Variants in TDRD9 observed in about 807,000 individuals in gnomAD.
TDRD9 encodes ATP-dependent RNA helicase TDRD9.
A neutral mutation model predicts 172.6 loss-of-function variants in TDRD9; 124 were observed. The ratio of observed to expected loss-of-function variants is 0.72; its 90% CI spans 0.62 to 0.83. The LOEUF is 0.83. TDRD9 is among the 40% of genes least tolerant of loss of function. The pLI, the probability that TDRD9 is intolerant of heterozygous loss-of-function variation, is 0.00. For synonymous variants in TDRD9, 619 were observed against 617.1 expected (o/e 1.00, Z -0.05); for missense variants, 1,479 against 1,714.1 (o/e 0.86, Z 2.42).
At chr14:104,035,902 T>G (rs1235283455) in intron 32 of TDRD9, among the ~76,000 whole-genome samples, 4 of 151,960 alleles carry the variant, frequency 2.6e-5, no homozygotes, top group Non-Finnish European at 4.4e-5. Flanking sequence ...TCAAGGCAGG[T>G]GGAAGGGCCC....
At chr14:103,996,726 T>C (rs963565052) in intron 12 of TDRD9, among the ~76,000 whole-genome samples, 4 of 152,170 alleles carry the variant, frequency 2.6e-5, no homozygotes, top group African/African-American at 7.2e-5. Flanking sequence ...AAGCCTTTGT[T>C]CTCATGACAC....
chr14:104,035,105 C>T (rs745395466), intron 32 of TDRD9, 49 bp downstream of exon 32: 30 of 1,417,700 alleles, frequency 2.1e-5, no homozygotes, highest in Middle Eastern at 3.5e-4. Flanking sequence ...AGAACCTGGG[C>T]GGGAAAAAAC....
At chr14:103,976,809 C>T (rs959535924) in intron 7 of TDRD9, among the ~76,000 whole-genome samples, 1 of 152,090 alleles carries the variant, frequency 6.6e-6, no homozygotes, top group Non-Finnish European at 1.5e-5. Context: ...TACAAGAGTT[C>T]CCCTTTCTTT....
In TDRD9 at chr14:103,991,174, C is replaced by T. The variant is rs1179531698; in HGVS notation, c.1130C>T (p.Ser377Leu). ...DMKESGNKAW[S>L]GAQFVLERSS... is the part of the protein sequence containing the mutation. ...ATTTTTAACAGGAACAAGGCTTGGT[C>T]GGGGGCCCAGTTTGTGTTGGAGCGA... is the stretch of plus-strand genomic sequence containing the variant. The change falls in exon 9 of 36, where the codon TCG becomes TTG. Residue 377 changes from serine to leucine, a missense_variant. Coordinates refer to ENST00000409874, the MANE Select transcript of TDRD9 (RefSeq NM_153046.3). 9.9e-6 allele frequency: 16 copies of T among 1,613,766 alleles called. No individual in the cohort carries two copies. The highest frequency in any genetic ancestry group is 4.5e-5 in the East Asian group (2 of 44,892).
intron 28 of TDRD9, among the ~76,000 whole-genome samples, chr14:104,030,350 G>A (rs1415132476): frequency 6.6e-6 from 1 of 152,096 alleles, no homozygotes; most frequent in Non-Finnish European, 1.5e-5. Flanking sequence ...AAATTAGCTG[G>A]GCATGGTGGT....
intron 20 of TDRD9, among the ~76,000 whole-genome samples, chr14:104,011,096 C>T (rs1349394776): frequency 6.6e-6 from 1 of 152,180 alleles, no homozygotes; most frequent in Non-Finnish European, 1.5e-5. Context: ...AGCTCTGTGA[C>T]GGTCTTATGG....
rs372987923 is a variant in TDRD9, at chr14:104,005,305, T to A, written c.1613T>A (p.Val538Glu). 440 of 1,613,858 alleles carry A rather than the reference T, an allele frequency of 2.7e-4. No homozygotes were observed. Among genetic ancestry groups the A allele is most frequent in the Non-Finnish European group, 3.6e-4 (426 of 1,179,894 alleles). ...RCPLGSTILK[V>E]KLLDMGEPRA... ...CCATTAGGAAGCACGATCTTGAAAG[T>A]GAAATTACTTGACATGGGTGAGCCG... Residue 538 changes from valine to glutamate, a missense_variant, in exon 15 of 36, where the codon GTG (valine) becomes GAG (glutamate). Physicochemically the swap from Val to Glu is moderately radical, Grantham distance 121 (BLOSUM62 -2). This residue lies in a region of TDRD9 where 1,413 missense variants were observed against 1,649.1 expected (regional missense o/e 0.86). Coordinates refer to ENST00000409874, the MANE Select transcript of TDRD9 (RefSeq NM_153046.3).
At position 103,966,817 on chromosome 14, in the gene TDRD9, A is replaced by G. The variant is rs545886073; in HGVS notation, c.751A>G (p.Ile251Val). 182 of 1,550,048 alleles carry G rather than the reference A, an allele frequency of 1.2e-4. 2 individuals are homozygous for G. In the South Asian group the frequency reaches 1.8e-3, roughly 15 times the overall value. Residue 251 changes from isoleucine to valine, a missense_variant, in exon 5 of 36, where the codon ATC (isoleucine) becomes GTC (valine). Ile to Val is a conservative substitution (Grantham distance 29, BLOSUM62 3). Transcript: ENST00000409874. ...SAKSLMEFTH[I>V]IIDEVHERTE... is the part of the protein sequence containing the mutation. ...CAAGAGTTTGATGGAATTCACACAT[A>G]TCATCATTGATGAAGTAAGTGATGT...
chr14:103,999,134 A>C (rs1352072519), intron 13 of TDRD9, among the ~76,000 whole-genome samples: 1 of 152,082 alleles, frequency 6.6e-6, no homozygotes, highest in Non-Finnish European at 1.5e-5. Flanking sequence ...TGCACTTTTT[A>C]CTTAGATATT....
chr14:104,051,023 T>C (rs2035922206), intron 35 of TDRD9, among the ~76,000 whole-genome samples: 1 of 152,182 alleles, frequency 6.6e-6, no homozygotes, highest in South Asian at 2.1e-4. Context: ...GTTACTTGGG[T>C]AGGTGGCATA....
At chr14:104,037,669 TGGCTG>T (rs1289653576) in intron 32 of TDRD9, among the ~76,000 whole-genome samples, 5 of 152,200 alleles carry the variant, frequency 3.3e-5, no homozygotes, top group African/African-American at 1.2e-4. Flanking sequence ...CTTTGCCAAC[TGGCTG>T]TGGACTGACC....
rs184395543 is a variant in TDRD9, at chr14:104,025,743, T to C, written c.2898T>C (p.Ala966=). 7.3e-5 allele frequency: 118 copies of C among 1,614,012 alleles called. 2 individuals carry two copies. In the East Asian group the frequency reaches 2.2e-3, roughly 30 times the overall value. ...TTGATAAACAACGCTACTTTAGAGC[T>C]CAAGTCCTTTATGTTTCTGGAAATT... The part of the protein sequence containing the change: ...ADFDKQRYFR[A]QVLYVSGNSA... The change falls in exon 26 of 36, where the codon GCT becomes GCC. Residue 966 remains alanine, a synonymous_variant. Transcript: ENST00000409874.
intron 1 of TDRD9, chr14:103,940,317 T>A (rs2031142193): frequency 6.5e-6 from 1 of 153,356 alleles, no homozygotes; most frequent in African/African-American, 2.4e-5. Context: ...GCTTCATTTT[T>A]AAACTGCATG....
At position 104,026,658 on chromosome 14, in the gene TDRD9, T is replaced by C. The variant is rs74344108; in HGVS notation, c.3022-21T>C. 5.6e-6 allele frequency: 9 copies of C among 1,610,786 alleles called. No homozygotes were observed. The East Asian group carries it at 2.0e-4, about 36-fold the overall frequency. On this transcript the variant is annotated intron_variant, in intron 27 of 35. Coordinates refer to ENST00000409874, the MANE Select transcript of TDRD9 (RefSeq NM_153046.3). Reference sequence around the variant, plus strand: ...TGCTTATTTATAAAGCTGTTTGAGCTGTGCCCTTCTGTCCTTGTAGGCTTT... The same window carrying C: ...TGCTTATTTATAAAGCTGTTTGAGCCGTGCCCTTCTGTCCTTGTAGGCTTT...
chr14:103,971,008 G>A (rs2032998321), intron 6 of TDRD9, among the ~76,000 whole-genome samples: 1 of 151,648 alleles, frequency 6.6e-6, no homozygotes, highest in Non-Finnish European at 1.5e-5. Flanking sequence ...TTTTGAGACG[G>A]AGTCTAGCTC....
chr14:103,938,160 G>A (rs2030894257), intron 1 of TDRD9, among the ~76,000 whole-genome samples: 1 of 152,004 alleles, frequency 6.6e-6, no homozygotes, highest in African/African-American at 2.4e-5. Flanking sequence ...TGCCTGGTGT[G>A]TAAGAGAATT....
At chr14:103,977,943 GT>G (rs1241216920) in intron 7 of TDRD9, among the ~76,000 whole-genome samples, 1 of 152,106 alleles carries the variant, frequency 6.6e-6, no homozygotes, top group Non-Finnish European at 1.5e-5. Flanking sequence ...TCCAGTGAAT[GT>G]TCTTGATGCC....
chr14:104,037,650 T>C (rs2035490796), intron 32 of TDRD9, among the ~76,000 whole-genome samples: 2 of 152,228 alleles, frequency 1.3e-5, no homozygotes, highest in South Asian at 2.1e-4. Context: ...TGGAGGCCAC[T>C]GTCCCCTTCT....
rs370944511 is a variant in TDRD9 at position 104,022,233 on chromosome 14, T to C, written c.2509T>C (p.Ser837Pro). The change falls in exon 24 of 36, where the codon TCT becomes CCT. Residue 837 changes from serine to proline, a missense_variant. Transcript: ENST00000409874. ...LPAVYMAIKM[S>P]QLKVSLELSV... The stretch of plus-strand genomic sequence containing the variant: ...TGCAGTATATATGGCAATTAAGATG[T>C]CTCAACTAAAAGTTTCACTTGAACT... 36 of 1,607,094 alleles carry C rather than the reference T, an allele frequency of 2.2e-5. No homozygotes were observed. The highest frequency in any genetic ancestry group is 2.5e-5 in the Non-Finnish European group (30 of 1,176,694).
Sources: gnomAD v4.1 joint callset for allele counts (sites outside exome capture counted in the v4.1 genomes callset) on GRCh38, gnomAD v4.1.1 for gene constraint, gnomAD v4.1.1 regional missense constraint, MANE v1.5 for transcripts, NCBI Gene and HGNC (gene_info 2026-07-23, HGNC 2026-07-21) for gene names.